Variants in L3MBTL3 observed in about 807,000 individuals in gnomAD.
The protein encoded by L3MBTL3 is lethal(3)malignant brain tumor-like protein 3.
In L3MBTL3, 27 loss-of-function variants were observed where a neutral mutation model predicts 102.3. The ratio of observed to expected loss-of-function variants is 0.26; its 90% CI spans 0.19 to 0.36. The LOEUF (loss-of-function observed/expected upper bound fraction) is 0.36, where lower values mean the gene tolerates loss of function less well. Among genes scored for constraint, L3MBTL3 ranks in the 10% least tolerant of loss-of-function variants. L3MBTL3 has a pLI of 1.00. For synonymous variants in L3MBTL3, 340 were observed against 320.9 expected, an observed-to-expected ratio of 1.06 and a Z score of -0.64; for missense variants, 798 against 955.3, an observed-to-expected ratio of 0.84 and a Z score of 2.17.
intron 3 of L3MBTL3, among the ~76,000 whole-genome samples, chr6:130,045,711 T>C (rs577882022): frequency 1.2e-4 from 19 of 152,298 alleles, no homozygotes; most frequent in African/African-American, 4.3e-4. Flanking sequence ...AAAATTTATT[T>C]CAGCTGGAGG....
In L3MBTL3 at chr6:130,068,388, T is replaced by C. The variant is rs2114982901; in HGVS notation, c.1059T>C (p.Ala353=). 6.2e-7 allele frequency: 1 copy of C among 1,604,504 alleles called. No homozygotes were observed. The highest frequency in any genetic ancestry group is 8.5e-7 in the Non-Finnish European group (1 of 1,171,568). ...QTYLKTCKAQ[A]APKSLFENQN... Reference sequence around the variant, plus strand: ...ATCTTAAGACATGTAAAGCTCAAGCTGCTCCTAAGTCATTATTTGAAAATC... The same window carrying C: ...ATCTTAAGACATGTAAAGCTCAAGCCGCTCCTAAGTCATTATTTGAAAATC... Residue 353 remains alanine (A), a synonymous_variant, in exon 12 of 23, where the codon GCT becomes GCC. Transcript: ENST00000361794.
chr6:130,020,062 T>C (rs1406807805), intron 1 of L3MBTL3, among the ~76,000 whole-genome samples: 1 of 146,084 alleles, frequency 6.8e-6, no homozygotes, highest in Admixed American at 6.7e-5. Context: ...GGGCTGCTTT[T>C]CCTGCAACTT....
At chr6:130,070,218 AGATT>A (rs1390006332) in intron 12 of L3MBTL3, among the ~76,000 whole-genome samples, 8 of 152,218 alleles carry the variant, frequency 5.3e-5, no homozygotes, top group East Asian at 1.9e-4. Context: ...AGAGATAGAT[AGATT>A]AAGATATTAT....
At chr6:130,025,494 T>C (rs1181333843) in intron 2 of L3MBTL3, among the ~76,000 whole-genome samples, 2 of 152,126 alleles carry the variant, frequency 1.3e-5, no homozygotes, top group East Asian at 1.9e-4. Context: ...ATAACTAAGC[T>C]TGATTTATGA....
intron 3 of L3MBTL3, among the ~76,000 whole-genome samples, chr6:130,047,980 C>T (rs908047193): frequency 2.0e-5 from 3 of 152,098 alleles, no homozygotes; most frequent in East Asian, 1.9e-4. Flanking sequence ...TAGTAGGGTT[C>T]GAAGACATTC....
intron 22 of L3MBTL3, among the ~76,000 whole-genome samples, chr6:130,138,855 A>G (rs944358817): frequency 2.6e-5 from 4 of 152,118 alleles, no homozygotes; most frequent in Non-Finnish European, 5.9e-5. Flanking sequence ...CATCATTTTC[A>G]TAGTATTTTA....
At chr6:130,084,218 A>T (rs1401035429) in intron 15 of L3MBTL3, among the ~76,000 whole-genome samples, 1 of 152,174 alleles carries the variant, frequency 6.6e-6, no homozygotes, top group Non-Finnish European at 1.5e-5. Flanking sequence ...TTGCATATAA[A>T]GTATTAAGAT....
At chr6:130,059,873 TG>T (rs1781775505) in intron 9 of L3MBTL3, among the ~76,000 whole-genome samples, 162 bp from the exon 10 acceptor site, 1 of 152,216 alleles carries the variant, frequency 6.6e-6, no homozygotes, top group Non-Finnish European at 1.5e-5. Context: ...TTTGTAGCCT[TG>T]GTCCATTTTT....
At position 130,139,682 on chromosome 6, in the gene L3MBTL3, C is replaced by G; in HGVS notation, c.2272C>G (p.Pro758Ala). The G allele has an allele frequency of 6.2e-7, 1 of 1,611,662 alleles. No homozygotes were observed. Among genetic ancestry groups the G allele is most frequent in the Non-Finnish European group, 8.5e-7 (1 of 1,178,036 alleles). ...IVKIMSIKLG[P>A]ALKIFNSILM... ...TAAAATTATGAGCATTAAACTGGGC[C>G]CTGCTCTCAAAATTTTCAATTCCAT... is the stretch of plus-strand genomic sequence containing the variant. The change falls in exon 23 of 23, where the codon CCT becomes GCT. Residue 758 changes from proline to alanine, a missense_variant. By Grantham distance (27) the Pro-to-Ala change is conservative (BLOSUM62 -1). Transcript: ENST00000361794.
intron 8 of L3MBTL3, 49 bp from the exon 9 acceptor site, chr6:130,057,357 C>T: frequency 8.2e-6 from 12 of 1,465,202 alleles, no homozygotes; most frequent in Non-Finnish European, 1.1e-5. Flanking sequence ...TGCATCACTG[C>T]TGGCTTAGAT....
chr6:130,060,461 TTG>T (rs1473801365), intron 10 of L3MBTL3, among the ~76,000 whole-genome samples: 1 of 152,086 alleles, frequency 6.6e-6, no homozygotes, highest in African/African-American at 2.4e-5. Flanking sequence ...CAACAGATAC[TTG>T]TGTGTGTTGT....
intron 2 of L3MBTL3, among the ~76,000 whole-genome samples, chr6:130,034,770 C>A (rs1032164085): frequency 6.6e-6 from 1 of 152,230 alleles, no homozygotes; most frequent in Non-Finnish European, 1.5e-5. Flanking sequence ...CTTGCCCTTG[C>A]CCCAGCTTTA....
At chr6:130,083,377 T>C (rs1783487083) in intron 14 of L3MBTL3, among the ~76,000 whole-genome samples, 1 of 151,892 alleles carries the variant, frequency 6.6e-6, no homozygotes, top group African/African-American at 2.4e-5. Flanking sequence ...TAAGACTGTC[T>C]TTATCTGAAA....
At chr6:130,049,180 A>G (rs898155949) in intron 3 of L3MBTL3, 102 bp from the exon 4 acceptor site, 2 of 671,730 alleles carry the variant, frequency 3.0e-6, no homozygotes, top group South Asian at 3.8e-5. Context: ...AACTTTTACC[A>G]TGTAATTAAT....
intron 2 of L3MBTL3, among the ~76,000 whole-genome samples, chr6:130,027,130 A>G (rs1057434172): frequency 1.5e-4 from 23 of 152,130 alleles, no homozygotes; most frequent in Non-Finnish European, 4.4e-5. Context: ...TTTGTATTGC[A>G]ATGGGAATTA....
intron 19 of L3MBTL3, among the ~76,000 whole-genome samples, chr6:130,116,920 T>A (rs1342362075): frequency 2.0e-5 from 1 of 51,228 alleles, no homozygotes; most frequent in African/African-American, 3.7e-5. Context: ...TTGTCATTTT[T>A]ATTTTTTTTA....
intron 20 of L3MBTL3, among the ~76,000 whole-genome samples, chr6:130,128,361 T>G (rs1786759294): frequency 6.6e-6 from 1 of 152,150 alleles, no homozygotes; most frequent in Non-Finnish European, 1.5e-5. Flanking sequence ...TGCTCTGCCT[T>G]GCAGAGCACG....
At chr6:130,042,524 A>T (rs1780485836) in intron 2 of L3MBTL3, among the ~76,000 whole-genome samples, 161 bp from the exon 3 acceptor site, 1 of 152,180 alleles carries the variant, frequency 6.6e-6, no homozygotes, top group Non-Finnish European at 1.5e-5. Context: ...ACTAGGAAAA[A>T]AGTGTTAATA....
intron 15 of L3MBTL3, among the ~76,000 whole-genome samples, chr6:130,085,395 T>C (rs2115144785): frequency 6.6e-6 from 1 of 152,330 alleles, no homozygotes; most frequent in South Asian, 2.1e-4. Flanking sequence ...ACTTCTAATT[T>C]TGGTGTCTCA....
Sources: gnomAD v4.1 joint callset for allele counts (sites outside exome capture counted in the v4.1 genomes callset) on GRCh38, gnomAD v4.1.1 for gene constraint, MANE v1.5 for transcripts, NCBI Gene and HGNC (gene_info 2026-07-23, HGNC 2026-07-21) for gene names.